The following ABCC1 variants were observed in gnomAD, a reference collection of about 807,000 sequenced individuals.
ABCC1 encodes multidrug resistance-associated protein 1.
A neutral mutation model predicts 172.9 loss-of-function variants in ABCC1; 83 were observed. The observed-to-expected ratio is 0.48, with a 90% CI of 0.40 to 0.58. The LOEUF (loss-of-function observed/expected upper bound fraction) is 0.58, where lower values mean the gene tolerates loss of function less well. Ranked by LOEUF, ABCC1 falls within the 20% of genes least tolerant of loss-of-function variation. The pLI is 0.00. For missense variants in ABCC1, 1,817 were observed against 2,002.7 expected (o/e 0.91, Z 1.77); for synonymous variants, 937 against 825.2 (o/e 1.14, Z -2.32).
At chr16:15,951,986 G>A (rs909136430) in intron 1 of ABCC1, among the ~76,000 whole-genome samples, 3 of 152,180 alleles carry the variant, frequency 2.0e-5, no homozygotes, top group Admixed American at 6.5e-5. Flanking sequence ...CTCTGTGCCC[G>A]GCTGTTTTTG....
chr16:16,050,063 CAT>C (rs766799407), intron 10 of ABCC1, among the ~76,000 whole-genome samples: 27 of 152,126 alleles, frequency 1.8e-4, no homozygotes, highest in Non-Finnish European at 3.5e-4. Flanking sequence ...TGAAGGGTAA[CAT>C]GTTAGCTACT....
At chr16:16,054,713 A>G (rs1030901862) in intron 11 of ABCC1, among the ~76,000 whole-genome samples, 1 of 152,134 alleles carries the variant, frequency 6.6e-6, no homozygotes, top group Non-Finnish European at 1.5e-5. Context: ...TGGCCTCCAG[A>G]TCATGTAGCT....
At position 16,136,521 on chromosome 16, in the gene ABCC1, C is replaced by T. The variant is rs759917176; in HGVS notation, c.4169C>T (p.Pro1390Leu). 11 of 1,614,176 alleles carry T rather than the reference C, an allele frequency of 6.8e-6. No individual in the cohort carries two copies. Among genetic ancestry groups the T allele is most frequent in the South Asian group, 1.1e-5 (1 of 91,080 alleles). The change falls in exon 29 of 31, where the codon CCA becomes CTA. Residue 1390 changes from proline to leucine, a missense_variant. Around this residue, in one of 3 missense-constraint regions of ABCC1, gnomAD observed 1,412 missense variants for 1,600.3 expected, o/e 0.88. Coordinates refer to ENST00000399410, the MANE Select transcript of ABCC1 (RefSeq NM_004996.4). Reference protein sequence around the residue: ...FSGSLRMNLDPFSQYSDEEVW... With the variant: ...FSGSLRMNLDLFSQYSDEEVW... Reference sequence around the variant, plus strand: ...GGTTCCCTCCGAATGAACCTGGACCCATTCAGCCAGTACTCGGATGAAGAA... The same window carrying T: ...GGTTCCCTCCGAATGAACCTGGACCTATTCAGCCAGTACTCGGATGAAGAA...
intron 1 of ABCC1, among the ~76,000 whole-genome samples, chr16:15,965,609 C>T (rs111452553): frequency 0.027 from 4,051 of 151,464 alleles, 191 homozygotes; most frequent in African/African-American, 0.092. Flanking sequence ...CCCTTTTTAA[C>T]TTTTTTGAGA....
At position 16,014,477 on chromosome 16, in the gene ABCC1, G is replaced by A; in HGVS notation, c.352-14G>A. Reference sequence around the variant, plus strand: ...AAAAACCCAACAACTCCTGTCTTGTGCTTCTCTCCTCAGCTGCTTGCTACC... The same window carrying A: ...AAAAACCCAACAACTCCTGTCTTGTACTTCTCTCCTCAGCTGCTTGCTACC... On this transcript the variant is annotated splice_polypyrimidine_tract_variant and intron_variant, in intron 3 of 30. Coordinates refer to ENST00000399410, the MANE Select transcript of ABCC1 (RefSeq NM_004996.4). 6.2e-7 allele frequency: 1 copy of A among 1,612,474 alleles called. No homozygotes were observed.
In ABCC1 at chr16:16,083,379, A is replaced by C; in HGVS notation, c.2129A>C (p.Tyr710Ser). 1 of 1,613,606 alleles carries C rather than the reference A, an allele frequency of 6.2e-7. No individual in the cohort carries two copies. The highest frequency in any genetic ancestry group is 8.5e-7 in the Non-Finnish European group (1 of 1,179,970). ...GHVAIKGSVA[Y>S]VPQQAWIQND... Reference sequence around the variant, plus strand: ...TTTGCAACTTAGGGCTCCGTGGCCTATGTGCCACAGCAGGCCTGGATTCAG... The same window carrying C: ...TTTGCAACTTAGGGCTCCGTGGCCTCTGTGCCACAGCAGGCCTGGATTCAG... Residue 710 changes from tyrosine to serine, a missense_variant, in exon 17 of 31, where the codon TAT (tyrosine) becomes TCT (serine). This residue lies in a region of ABCC1 where 1,412 missense variants were observed against 1,600.3 expected (regional missense o/e 0.88). Transcript: ENST00000399410.
At chr16:16,114,282 C>A (rs72777627) in intron 22 of ABCC1, among the ~76,000 whole-genome samples, 4 of 152,208 alleles carry the variant, frequency 2.6e-5, no homozygotes, top group African/African-American at 7.2e-5. Context: ...CAGCACAGTG[C>A]TTAGCACATA....
intron 1 of ABCC1, among the ~76,000 whole-genome samples, chr16:15,956,268 G>T (rs774486568): frequency 6.6e-6 from 1 of 152,052 alleles, no homozygotes; most frequent in Non-Finnish European, 1.5e-5. Flanking sequence ...GAGAAGCTGA[G>T]GCATGAGCAT....
At chr16:15,966,874 G>A (rs1162011540) in intron 1 of ABCC1, among the ~76,000 whole-genome samples, 1 of 151,996 alleles carries the variant, frequency 6.6e-6, no homozygotes, top group African/African-American at 2.4e-5. Flanking sequence ...GGAGTGCAGT[G>A]GCATGAACAT....
At chr16:16,014,203 T>G (rs4148335) in intron 3 of ABCC1, among the ~76,000 whole-genome samples, 37,513 of 152,076 alleles carry the variant, frequency 0.25, 6,144 homozygotes, top group African/African-American at 0.46. Context: ...CCCAGCACCT[T>G]GGGAGGCCAA....
In ABCC1 at chr16:16,125,848, T is replaced by C. The variant is rs2045409702; in HGVS notation, c.3756T>C (p.Ser1252=). The C allele has an allele frequency of 6.2e-7, 1 of 1,614,002 alleles. No individual in the cohort carries two copies. The highest frequency in any genetic ancestry group is 1.7e-5 in the Admixed American group (1 of 59,984). Residue 1252 remains serine, a synonymous_variant, in exon 26 of 31, where the codon TCT becomes TCC. Transcript: ENST00000399410. ...TYLNWLVRMS[S]EMETNIVAVE... is the part of the protein sequence containing the mutation. The stretch of plus-strand genomic sequence containing the variant: ...TGAACTGGCTGGTTCGGATGTCATC[T>C]GAAATGGAAACCAACATCGTGGCCG...
At chr16:16,008,076 C>T in intron 2 of ABCC1, 84 bp downstream of exon 2, 2 of 1,363,206 alleles carry the variant, frequency 1.5e-6, no homozygotes, top group Non-Finnish European at 2.0e-6. Flanking sequence ...TGACATTTCT[C>T]TTCTACTTAG....
chr16:16,004,708 G>T (rs902858629), intron 1 of ABCC1, among the ~76,000 whole-genome samples: 8 of 144,496 alleles, frequency 5.5e-5, no homozygotes, highest in African/African-American at 1.5e-4. Context: ...AGGCTGGAGT[G>T]CAGTGGTGCA....
chr16:16,100,932 AGGGACT>A (rs1479225330), intron 19 of ABCC1, among the ~76,000 whole-genome samples: 1 of 152,206 alleles, frequency 6.6e-6, no homozygotes, highest in Non-Finnish European at 1.5e-5. Flanking sequence ...GACTCATAGC[AGGGACT>A]GGGCTGGACA....
intron 1 of ABCC1, among the ~76,000 whole-genome samples, chr16:15,969,146 G>C (rs2046313262): frequency 6.6e-6 from 1 of 152,126 alleles, no homozygotes. Context: ...GGAGGTTGTA[G>C]AGAGCCAAGA....
Position 16,075,654 on chromosome 16 carries a change from CA to C in ABCC1, c.1913-671del, listed in dbSNP as rs570164120. Reference sequence around the variant, plus strand: ...TCAGGAGAAGACAGAAACATGGAACCAGTTAACGTGGGCTTTGTCTCCGACA... The same window carrying C: ...TCAGGAGAAGACAGAAACATGGAACCGTTAACGTGGGCTTTGTCTCCGACA... On this transcript the variant is annotated intron_variant, in intron 14 of 30. Transcript: ENST00000399410. Among the ~76,000 whole-genome samples, 33 of 152,232 alleles carry C rather than the reference CA, an allele frequency of 2.2e-4. No individual in the cohort carries two copies. In the South Asian group the frequency reaches 6.8e-3, roughly 32 times the overall value.
At chr16:16,093,867 G>A (rs2051352125) in intron 19 of ABCC1, among the ~76,000 whole-genome samples, 1 of 152,044 alleles carries the variant, frequency 6.6e-6, no homozygotes, top group Non-Finnish European at 1.5e-5. Context: ...CCTTGAGGGG[G>A]GATGGGCAGG....
intron 7 of ABCC1, among the ~76,000 whole-genome samples, chr16:16,038,064 A>AGATGATAGATAGATG (rs2048823584): frequency 8.8e-6 from 1 of 113,332 alleles, no homozygotes; most frequent in Non-Finnish European, 1.8e-5. Flanking sequence ...ATGGATGGAT[A>AGATGATAGATAGATG]GATGATAGAT....
chr16:16,099,961 C>T (rs1191720143), intron 19 of ABCC1, among the ~76,000 whole-genome samples: 1 of 152,160 alleles, frequency 6.6e-6, no homozygotes, highest in Non-Finnish European at 1.5e-5. Context: ...TGGTGCATGC[C>T]TGTAATCCCA....
Sources: gnomAD v4.1 joint callset for allele counts (sites outside exome capture counted in the v4.1 genomes callset) on GRCh38, gnomAD v4.1.1 for gene constraint, gnomAD v4.1.1 regional missense constraint, MANE v1.5 for transcripts, NCBI Gene and HGNC (gene_info 2026-07-23, HGNC 2026-07-21) for gene names.